Variants in FNIP2 observed in about 807,000 individuals in gnomAD.
The protein encoded by FNIP2 is folliculin interacting protein 2.
Under a neutral mutation model 108.7 loss-of-function variants are expected in FNIP2, and 32 were observed. That is an observed-to-expected ratio of 0.29 (90% confidence interval 0.22 to 0.40). The LOEUF (loss-of-function observed/expected upper bound fraction) is 0.40, where lower values mean the gene tolerates loss of function less well. FNIP2 is among the 10% of genes least tolerant of loss of function. The pLI is 1.00. For missense variants in FNIP2, 1,202 were observed against 1,381.6 expected (o/e 0.87, Z 2.06); for synonymous variants, 480 against 496.7 (o/e 0.97, Z 0.45).
rs968907448 is a variant in FNIP2, at chr4:158,904,319, C to T, written c.3267-147C>T. ...TTAAAAGAGTAAGTTTATTATCCTTCCATCTGTTTTGCTTTTTCATTAGTT... is the reference window on the plus strand; with the variant it reads ...TTAAAAGAGTAAGTTTATTATCCTTTCATCTGTTTTGCTTTTTCATTAGTT... On this transcript the variant is annotated intron_variant, in intron 16 of 16. Coordinates refer to ENST00000264433, the MANE Select transcript of FNIP2 (RefSeq NM_020840.3). The T allele has an allele frequency of 7.6e-6, 5 of 657,100 alleles. No individual in the cohort carries two copies. The African/African-American group carries it at 9.1e-5, about 12-fold the overall frequency. The allele number at this position is 657,100 out of a possible 1,614,324, so 40.7% of individuals were successfully genotyped here.
At chr4:158,780,127 G>C (rs1442122113) in intron 1 of FNIP2, among the ~76,000 whole-genome samples, 1 of 151,728 alleles carries the variant, frequency 6.6e-6, no homozygotes, top group Non-Finnish European at 1.5e-5. Context: ...GGAATCGCTT[G>C]AACCCAAGAG....
At chr4:158,804,706 T>A (rs1212653750) in intron 1 of FNIP2, among the ~76,000 whole-genome samples, 1 of 152,174 alleles carries the variant, frequency 6.6e-6, no homozygotes, top group Non-Finnish European at 1.5e-5. Flanking sequence ...TCTACAGTAG[T>A]TTTCATAGTG....
At chr4:158,882,396 C>T (rs558328600) in intron 14 of FNIP2, among the ~76,000 whole-genome samples, 6 of 151,324 alleles carry the variant, frequency 4.0e-5, no homozygotes, top group South Asian at 2.1e-4. Flanking sequence ...CGCCTCCGCC[C>T]GGCCACCACC....
At position 158,896,951 on chromosome 4, in the gene FNIP2, C is replaced by T. The variant is rs538974631; in HGVS notation, c.3266+1086C>T. 1.8e-4 allele frequency among the ~76,000 whole-genome samples: 27 copies of T among 152,090 alleles called. No homozygotes were observed. In the East Asian group the frequency reaches 4.4e-3, roughly 25 times the overall value. On this transcript the variant is annotated intron_variant, in intron 16 of 16. Coordinates refer to ENST00000264433, the MANE Select transcript of FNIP2 (RefSeq NM_020840.3). ...ATGGTGGTTTGCTGCACCCATCAACCCGTCATCTACATTAGGTACTTCTCC... is the reference window on the plus strand; with the variant it reads ...ATGGTGGTTTGCTGCACCCATCAACTCGTCATCTACATTAGGTACTTCTCC...
At chr4:158,884,655 C>T (rs1781917531) in intron 14 of FNIP2, among the ~76,000 whole-genome samples, 1 of 152,082 alleles carries the variant, frequency 6.6e-6, no homozygotes, top group Non-Finnish European at 1.5e-5. Context: ...CACTTTCACA[C>T]AACTGTAAAG....
rs573884348 is a variant in FNIP2 at position 158,769,130 on chromosome 4, C to A, written c.-83C>A. 3.7e-6 allele frequency: 2 copies of A among 535,032 alleles called. No homozygotes were observed. The highest frequency in any genetic ancestry group is 1.5e-4 in the South Asian group (2 of 12,936). The allele number at this position is 535,032 out of a possible 1,614,324, so 33.1% of individuals were successfully genotyped here. ...GGGCGGCCGCGCCGCCGCGATGGCC[C>A]CGCCACCGCGGCCGCCGCCCCCGGC... On this transcript the variant is annotated 5_prime_UTR_variant, in exon 1 of 17. Coordinates refer to ENST00000264433, the MANE Select transcript of FNIP2 (RefSeq NM_020840.3).
chr4:158,807,597 T>C (rs1019325792), intron 1 of FNIP2, among the ~76,000 whole-genome samples: 14 of 152,324 alleles, frequency 9.2e-5, no homozygotes, highest in African/African-American at 3.1e-4. Context: ...CTTTATCCCA[T>C]AAGTATGCTT....
intron 14 of FNIP2, among the ~76,000 whole-genome samples, chr4:158,885,110 T>C (rs1335179378): frequency 6.6e-6 from 1 of 152,038 alleles, no homozygotes; most frequent in Non-Finnish European, 1.5e-5. Flanking sequence ...GAGCCGAGAT[T>C]GTGCCACTGC....
rs370342793 is a variant in FNIP2, at chr4:158,881,894, G to A, written c.2950-9552G>A. 6.6e-5 allele frequency among the ~76,000 whole-genome samples: 10 copies of A among 151,832 alleles called. No individual in the cohort carries two copies. The East Asian group carries it at 1.4e-3, about 21-fold the overall frequency. On this transcript the variant is annotated intron_variant, in intron 14 of 16. Coordinates refer to ENST00000264433, the MANE Select transcript of FNIP2 (RefSeq NM_020840.3). ...CCACCCCGTCTGGGAAGTGAGGAGC[G>A]TCTCTGCCTGGCCGCCCATCGTCTG... is the stretch of plus-strand genomic sequence containing the variant.
At chr4:158,806,268 C>T (rs1325543774) in intron 1 of FNIP2, 4 of 1,289,334 alleles carry the variant, frequency 3.1e-6, no homozygotes, top group African/African-American at 1.5e-5. Flanking sequence ...GCACAGCGAA[C>T]ACCACAAACC....
chr4:158,839,589 A>G (rs1378578426), intron 7 of FNIP2, among the ~76,000 whole-genome samples: 1 of 152,084 alleles, frequency 6.6e-6, no homozygotes, highest in Non-Finnish European at 1.5e-5. Flanking sequence ...GCTGGTCTCA[A>G]ACTCCTGGGC....
At position 158,869,302 on chromosome 4, in the gene FNIP2, G is replaced by A. The variant is rs1578946234; in HGVS notation, c.2666G>A (p.Arg889Gln). 1.9e-6 allele frequency: 3 copies of A among 1,613,850 alleles called. No individual in the cohort carries two copies. The highest frequency in any genetic ancestry group is 1.1e-5 in the South Asian group (1 of 91,062). The change falls in exon 13 of 17, where the codon CGA becomes CAA. Residue 889 changes from arginine (R) to glutamine (Q), a missense_variant. Around this residue, in one of 5 missense-constraint regions of FNIP2, gnomAD observed 878 missense variants for 990.3 expected, o/e 0.89. Transcript: ENST00000264433. Reference protein sequence around the residue: ...ANFRTEGDIPRNESSDSALGD... With the variant: ...ANFRTEGDIPQNESSDSALGD... ...TTCAGGACTGAAGGAGACATTCCCCGAAATGAAAGCTCAGATAGCGCCCTG... is the reference window on the plus strand; with the variant it reads ...TTCAGGACTGAAGGAGACATTCCCCAAAATGAAAGCTCAGATAGCGCCCTG...
At chr4:158,863,193 G>C (rs1380584733) in intron 12 of FNIP2, among the ~76,000 whole-genome samples, 1 of 152,244 alleles carries the variant, frequency 6.6e-6, no homozygotes, top group East Asian at 1.9e-4. Context: ...TGATAGCTTT[G>C]TAAAGCCAAG....
chr4:158,870,295 G>C lies in FNIP2; in HGVS notation c.2793-18G>C. ...ACATTTTTAGCTGTGCATTTTAATGGGCCACATGTTGTTTTAGGTCTCAGA... is the reference window on the plus strand; with the variant it reads ...ACATTTTTAGCTGTGCATTTTAATGCGCCACATGTTGTTTTAGGTCTCAGA... On this transcript the variant is annotated intron_variant, in intron 13 of 16. Coordinates refer to ENST00000264433, the MANE Select transcript of FNIP2 (RefSeq NM_020840.3). 1 of 1,608,522 alleles carries C rather than the reference G, an allele frequency of 6.2e-7. No homozygotes were observed. Among genetic ancestry groups the C allele is most frequent in the Non-Finnish European group, 8.5e-7 (1 of 1,175,398 alleles).
At position 158,769,189 on chromosome 4, in the gene FNIP2, G is replaced by A. The variant is rs748240624; in HGVS notation, c.-24G>A. ...GAGCCGCCGGCCCCCCGAGCGCCAC[G>A]GCCGGAGCTGCGGCGGCGGCATCAT... On this transcript the variant is annotated 5_prime_UTR_variant, in exon 1 of 17. Transcript: ENST00000264433. The A allele has an allele frequency of 3.6e-5, 46 of 1,291,702 alleles. No individual in the cohort carries two copies. The Middle Eastern group carries it at 1.8e-3, about 50-fold the overall frequency. 80.0% of individuals were successfully genotyped at this position (1,291,702 alleles called of 1,614,324 possible). A position where few individuals can be genotyped will look rare whatever the true frequency, so the allele number is the denominator to read the frequency against.
At chr4:158,822,428 G>A (rs1294943060) in intron 1 of FNIP2, among the ~76,000 whole-genome samples, 2 of 151,988 alleles carry the variant, frequency 1.3e-5, no homozygotes, top group Non-Finnish European at 2.9e-5. Flanking sequence ...GCCGGCCTCG[G>A]TCTCCCAAAG....
chr4:158,786,692 A>G (rs1272178281), intron 1 of FNIP2, among the ~76,000 whole-genome samples: 1 of 152,220 alleles, frequency 6.6e-6, no homozygotes, highest in African/African-American at 2.4e-5. Context: ...CGGTTTGGGA[A>G]AAGGTGCCTG....
At chr4:158,807,952 T>G (rs1207090306) in intron 1 of FNIP2, among the ~76,000 whole-genome samples, 1 of 152,184 alleles carries the variant, frequency 6.6e-6, no homozygotes, top group African/African-American at 2.4e-5. Flanking sequence ...TTTTTATCTG[T>G]TTCTTATCAA....
rs202236764 is a variant in FNIP2 at position 158,861,631 on chromosome 4, G to A, written c.1320G>A (p.Ala440=). 22 of 1,613,936 alleles carry A rather than the reference G, an allele frequency of 1.4e-5. No individual in the cohort carries two copies. The highest frequency in any genetic ancestry group is 1.3e-4 in the African/African-American group (10 of 75,012). The change falls in exon 12 of 17, where the codon GCG becomes GCA. Residue 440 remains alanine, a synonymous_variant. Transcript: ENST00000264433. ...KNQFFAALLT[A]VLTYHLAWVP... ...GGTTTTTTGCTGCCTTACTGACTGC[G>A]GTGTTAACCTACCACCTGGCCTGGG...
Sources: allele counts gnomAD v4.1 joint callset (sites outside exome capture counted in the v4.1 genomes callset), GRCh38; gene constraint gnomAD v4.1.1; regional missense constraint gnomAD v4.1.1; transcripts MANE v1.5; gene names NCBI Gene and HGNC (gene_info 2026-07-23, HGNC 2026-07-21).